MIPEP: variants seen among roughly 807,000 people sequenced by gnomAD.
MIPEP encodes mitochondrial intermediate peptidase.
Under a neutral mutation model 90.3 loss-of-function variants are expected in MIPEP, and 79 were observed. The observed-to-expected ratio is 0.87, with a 90% CI of 0.73 to 1.05. MIPEP has a LOEUF of 1.05. Ranked by LOEUF, MIPEP falls within the 50% of genes least tolerant of loss-of-function variation. The pLI is 0.00. For synonymous variants in MIPEP, 334 were observed against 315.8 expected (o/e 1.06, Z -0.61); for missense variants, 940 against 905.6 (o/e 1.04, Z -0.49).
In MIPEP at chr13:23,791,848, C is replaced by T. The variant is rs960697991; in HGVS notation, c.1848+14102G>A. Among the ~76,000 whole-genome samples the T allele has an allele frequency of 8.5e-5, 13 of 152,328 alleles. No individual in the cohort carries two copies. In the South Asian group the frequency reaches 1.4e-3, roughly 17 times the overall value. ...TCTCTCACTTTACTTGATACCCACT[C>T]CATTTAGCCTTTGTCCCACCAACCA... On this transcript the variant is annotated intron_variant, in intron 16 of 18. Coordinates refer to ENST00000382172, the MANE Select transcript of MIPEP (RefSeq NM_005932.4).
chr13:23,871,116 G>A (rs1456353930), intron 5 of MIPEP, among the ~76,000 whole-genome samples: 2 of 152,216 alleles, frequency 1.3e-5, no homozygotes, highest in Non-Finnish European at 2.9e-5. Context: ...TGGAACCCCA[G>A]GGCATGGTCC....
chr13:23,788,652 G>C (rs547942625), intron 16 of MIPEP, among the ~76,000 whole-genome samples: 1 of 152,344 alleles, frequency 6.6e-6, no homozygotes, highest in South Asian at 2.1e-4. Context: ...TTACTAGTGA[G>C]CAGGCCTAGT....
chr13:23,794,001 G>A (rs1952929083), intron 16 of MIPEP, among the ~76,000 whole-genome samples: 1 of 152,056 alleles, frequency 6.6e-6, no homozygotes, highest in Non-Finnish European at 1.5e-5. Context: ...ACTCAAATCT[G>A]TATTTAGAAA....
Position 23,809,881 on chromosome 13 carries a change from T to C in MIPEP, c.1697A>G (p.Lys566Arg). 6.2e-7 allele frequency: 1 copy of C among 1,613,250 alleles called. No homozygotes were observed. Among genetic ancestry groups the C allele is most frequent in the Non-Finnish European group, 8.5e-7 (1 of 1,179,402 alleles). ...TTGCATATCAGCTGCAGCACAAACC[T>C]TTTTAGATTCACAAAGACGAGACAC... ...NMVSRLCESK[K>R]VCAAADMQLQ... The change falls in exon 15 of 19, where the codon AAG becomes AGG. Residue 566 changes from lysine to arginine, a missense_variant. Physicochemically the swap from Lys to Arg is conservative, Grantham distance 26. Transcript: ENST00000382172.
chr13:23,818,826 G>T (rs1953273098), intron 14 of MIPEP, among the ~76,000 whole-genome samples: 1 of 152,212 alleles, frequency 6.6e-6, no homozygotes, highest in Non-Finnish European at 1.5e-5. Flanking sequence ...AAATGTAACA[G>T]CGGAGAGGGA....
rs1871001747 is a variant in MIPEP at position 23,874,965 on chromosome 13, A to C, written c.540-56T>G. 3 of 1,514,532 alleles carry C rather than the reference A, an allele frequency of 2.0e-6. No homozygotes were observed. The Admixed American group carries it at 7.1e-5, about 36-fold the overall frequency. The allele number at this position is 1,514,532 out of a possible 1,614,324, so 93.8% of individuals were successfully genotyped here. A position where few individuals can be genotyped will look rare whatever the true frequency, so the allele number is the denominator to read the frequency against. On this transcript the variant is annotated intron_variant, in intron 4 of 18. Transcript: ENST00000382172. ...AGGTAATAAAAATTGCTAACAAAAA[A>C]ATTGTGGTTTTTTGTTAAATAAATA...
At chr13:23,823,351 CAATT>C (rs1170299128) in intron 14 of MIPEP, among the ~76,000 whole-genome samples, 3 of 152,102 alleles carry the variant, frequency 2.0e-5, no homozygotes, top group Non-Finnish European at 4.4e-5. Flanking sequence ...AATAAGGTGA[CAATT>C]AGTTAATGAA....
chr13:23,757,383 C>T (rs984070359), intron 17 of MIPEP, among the ~76,000 whole-genome samples: 12 of 152,138 alleles, frequency 7.9e-5, no homozygotes, highest in African/African-American at 2.9e-4. Context: ...TGCTGTGTGG[C>T]CCAGTTCCCA....
At chr13:23,742,335 T>TCCC (rs1383127891) in intron 18 of MIPEP, among the ~76,000 whole-genome samples, 9 of 152,244 alleles carry the variant, frequency 5.9e-5, no homozygotes, top group Non-Finnish European at 1.0e-4. Context: ...AGTAAGAGAT[T>TCCC]ACCCTGGGTT....
chr13:23,761,463 G>T (rs1439756385), intron 16 of MIPEP, among the ~76,000 whole-genome samples: 1 of 152,196 alleles, frequency 6.6e-6, no homozygotes, highest in South Asian at 2.1e-4. Flanking sequence ...GTCTGGCACA[G>T]AGAGAGAGCA....
intron 16 of MIPEP, among the ~76,000 whole-genome samples, chr13:23,762,065 T>C (rs1165449968): frequency 1.3e-5 from 2 of 152,006 alleles, no homozygotes; most frequent in African/African-American, 4.8e-5. Flanking sequence ...GCGGAGGTTG[T>C]AGTGAGCTAA....
chr13:23,860,289 G>C (rs1870232688), intron 9 of MIPEP, among the ~76,000 whole-genome samples: 2 of 152,214 alleles, frequency 1.3e-5, no homozygotes, highest in Admixed American at 6.5e-5. Flanking sequence ...GAGAAAGGGA[G>C]AAAGGCATTC....
intron 16 of MIPEP, among the ~76,000 whole-genome samples, chr13:23,773,627 C>T (rs901864139): frequency 1.3e-5 from 2 of 152,204 alleles, no homozygotes; most frequent in Non-Finnish European, 2.9e-5. Flanking sequence ...CCAACACTTG[C>T]TACTGCCCAT....
chr13:23,744,945 A>C (rs888850572), intron 18 of MIPEP, among the ~76,000 whole-genome samples: 41 of 152,210 alleles, frequency 2.7e-4, no homozygotes, highest in Admixed American at 1.3e-4. Flanking sequence ...TGTGTGACTT[A>C]AGCTTTTAAG....
chr13:23,780,168 C>T (rs1490027056), intron 16 of MIPEP, among the ~76,000 whole-genome samples: 3 of 152,192 alleles, frequency 2.0e-5, no homozygotes, highest in Admixed American at 2.0e-4. Flanking sequence ...CAAGTGGGTC[C>T]CTGACCCCCG....
At chr13:23,850,500 G>A (rs1039159323) in intron 10 of MIPEP, among the ~76,000 whole-genome samples, 14 of 152,262 alleles carry the variant, frequency 9.2e-5, no homozygotes, top group African/African-American at 3.4e-4. Context: ...AAACTTCCTG[G>A]CAACCAGGAA....
intron 16 of MIPEP, among the ~76,000 whole-genome samples, chr13:23,767,115 T>C (rs1246120349): frequency 2.0e-5 from 3 of 152,092 alleles, no homozygotes; most frequent in Non-Finnish European, 4.4e-5. Flanking sequence ...CTGTAGGACA[T>C]GAATTATGCC....
chr13:23,786,372 G>A (rs1347758942), intron 16 of MIPEP, among the ~76,000 whole-genome samples: 2 of 152,018 alleles, frequency 1.3e-5, no homozygotes, highest in Non-Finnish European at 2.9e-5. Context: ...TCTTAGATAA[G>A]AAGTTCTCTT....
intron 16 of MIPEP, among the ~76,000 whole-genome samples, chr13:23,796,588 A>C (rs534776898): frequency 2.6e-5 from 4 of 152,010 alleles, no homozygotes; most frequent in African/African-American, 9.6e-5. Context: ...CTACTAAAAA[A>C]AAAAAACAAA....
Sources: allele counts gnomAD v4.1 joint callset (sites outside exome capture counted in the v4.1 genomes callset), GRCh38; gene constraint gnomAD v4.1.1; transcripts MANE v1.5; gene names NCBI Gene and HGNC (gene_info 2026-07-23, HGNC 2026-07-21).